Variants in GABRR1 observed in about 807,000 individuals in gnomAD.
The protein encoded by GABRR1 is gamma-aminobutyric acid receptor subunit rho-1.
In GABRR1, 59 loss-of-function variants were observed where a neutral mutation model predicts 55.5. The observed-to-expected ratio is 1.06, with a 90% CI of 0.86 to 1.32. GABRR1 has a LOEUF of 1.32. Among genes scored for constraint, GABRR1 ranks in the 40% most tolerant of loss-of-function variants. The pLI, the probability that GABRR1 is intolerant of heterozygous loss-of-function variation, is 0.00. For missense variants in GABRR1, 602 were observed against 619.1 expected (o/e 0.97, Z 0.29); for synonymous variants, 213 against 226.0 (o/e 0.94, Z 0.51).
chr6:89,179,519 C>T (rs9342183), intron 9 of GABRR1, among the ~76,000 whole-genome samples: 29,305 of 152,226 alleles, frequency 0.19, 3,060 homozygotes, highest in Admixed American at 0.27. Context: ...TGTGCCCAGC[C>T]TGGTATCCAT....
At chr6:89,185,563 ATG>A in intron 6 of GABRR1, 113 bp from the exon 7 acceptor site, 1 of 909,702 alleles carries the variant, frequency 1.1e-6, no homozygotes, top group Admixed American at 2.2e-5. Flanking sequence ...GGATTGTGAT[ATG>A]ATAGTTTGAA....
Position 89,178,348 on chromosome 6 carries a change from T to C in GABRR1, c.*422A>G, listed in dbSNP as rs1214630099. On this transcript the variant is annotated 3_prime_UTR_variant, in exon 10 of 10. Transcript: ENST00000454853. The stretch of plus-strand genomic sequence containing the variant: ...GTGAGGATTTAGGTGCATGTGAATT[T>C]CATGCAAATGGCCTGTAGGTGCTTC... 3 of 177,472 alleles carry C rather than the reference T, an allele frequency of 1.7e-5. No homozygotes were observed. The highest frequency in any genetic ancestry group is 3.6e-5 in the Non-Finnish European group (3 of 82,554). The allele number at this position is 177,472 out of a possible 1,614,324, so 11.0% of individuals were successfully genotyped here. A position where few individuals can be genotyped will look rare whatever the true frequency, so the allele number is the denominator to read the frequency against.
At chr6:89,220,700 A>G (rs144638696), upstream of GABRR1, among the ~76,000 whole-genome samples, 1,642 of 152,014 alleles carry the variant, frequency 0.011, 21 homozygotes, top group South Asian at 0.044. Flanking sequence ...CTGAACTATA[A>G]CACTTCCAGA....
In GABRR1 at chr6:89,224,860, G is replaced by A. The variant is rs576033213; in HGVS notation, c.-410-3414C>T. 5.9e-5 allele frequency among the ~76,000 whole-genome samples: 9 copies of A among 152,058 alleles called. No homozygotes were observed. In the East Asian group the frequency reaches 1.7e-3, roughly 29 times the overall value. On this transcript the variant is annotated intron_variant, in intron 1 of 11. Coordinates refer to the GABRR1 transcript ENST00000369451. ...TGCAGTGGCGTGATCTTGGCTTACT[G>A]CAACCTCCGCCTCCCAGGTTCAAGC... is the stretch of plus-strand genomic sequence containing the variant.
chr6:89,182,226 C>T (rs1771752328), intron 7 of GABRR1, among the ~76,000 whole-genome samples, 169 bp from the exon 8 acceptor site: 1 of 152,262 alleles, frequency 6.6e-6, no homozygotes, highest in East Asian at 1.9e-4. Context: ...GTAATACATA[C>T]CACCTGGGTG....
intron 1 of GABRR1, among the ~76,000 whole-genome samples, chr6:89,206,099 T>C (rs1368533153): frequency 6.6e-6 from 1 of 151,918 alleles, no homozygotes; most frequent in Non-Finnish European, 1.5e-5. Context: ...ACCCCTGCTG[T>C]CTCGCCCTCT....
intron 1 of GABRR1, among the ~76,000 whole-genome samples, chr6:89,210,288 G>T (rs1360769683): frequency 8.2e-5 from 12 of 146,186 alleles, no homozygotes; most frequent in African/African-American, 2.8e-4. Context: ...CGACCTCCCA[G>T]GCTCAAGTGA....
In GABRR1 at chr6:89,180,409, G is replaced by A. The variant is rs756314695; in HGVS notation, c.1029C>T (p.Ala343=). The A allele has an allele frequency of 8.7e-6, 14 of 1,613,804 alleles. No individual in the cohort carries two copies. Among genetic ancestry groups the A allele is most frequent in the South Asian group, 5.5e-5 (5 of 91,064 alleles). The change falls in exon 9 of 10, where the codon GCC becomes GCT. Residue 343 remains alanine (A), a synonymous_variant. Transcript: ENST00000454853. ...ASMPRVSYIK[A]VDIYLWVSFV... ...AGCTGACCCAGAGGTAGATGTCCAC[G>A]GCCTTGATGTAGGAGACGCGCGGCA...
intron 8 of GABRR1, 32 bp from the exon 9 acceptor site, chr6:89,180,520 G>GC: frequency 3.7e-6 from 6 of 1,606,598 alleles, no homozygotes; most frequent in Non-Finnish European, 5.1e-6. Flanking sequence ...ACAAGTGTTT[G>GC]CTTGTCTTTC....
At chr6:89,189,424 C>T (rs1037763846) in intron 6 of GABRR1, among the ~76,000 whole-genome samples, 2 of 140,264 alleles carry the variant, frequency 1.4e-5, no homozygotes, top group Admixed American at 7.5e-5. Context: ...AAAAACCAAA[C>T]ACCGCATATT....
upstream of GABRR1, among the ~76,000 whole-genome samples, chr6:89,220,486 A>G (rs1773098565): frequency 6.6e-6 from 1 of 152,124 alleles, no homozygotes; most frequent in Admixed American, 6.5e-5. Context: ...TGTCATGAGA[A>G]CTTAGAAAGT....
At chr6:89,201,398 C>G (rs1772467332) in intron 2 of GABRR1, 133 bp from the exon 3 acceptor site, 2 of 619,374 alleles carry the variant, frequency 3.2e-6, no homozygotes, top group Non-Finnish European at 5.9e-6. Flanking sequence ...TGGACATCCC[C>G]TCTTTCTTTC....
At chr6:89,209,244 G>A (rs1287533569) in intron 1 of GABRR1, among the ~76,000 whole-genome samples, 1 of 151,772 alleles carries the variant, frequency 6.6e-6, no homozygotes, top group East Asian at 1.9e-4. Flanking sequence ...CCTCCCACTT[G>A]AAGACACCGG....
intron 1 of GABRR1, among the ~76,000 whole-genome samples, chr6:89,206,591 C>T (rs1160407601): frequency 8.6e-5 from 13 of 151,892 alleles, no homozygotes; most frequent in Admixed American, 7.9e-4. Context: ...CTCACTTCAC[C>T]GTGGGATCAA....
chr6:89,222,485 G>A (rs282114), intron 1 of GABRR1, among the ~76,000 whole-genome samples: 32,916 of 152,156 alleles, frequency 0.22, 4,169 homozygotes, highest in Admixed American at 0.32. Context: ...CAGTCAGACC[G>A]TTAATATAAG....
At chr6:89,192,531 T>C (rs1772133142) in intron 5 of GABRR1, among the ~76,000 whole-genome samples, 1 of 151,836 alleles carries the variant, frequency 6.6e-6, no homozygotes, top group South Asian at 2.1e-4. Flanking sequence ...CCCGCTGTCA[T>C]TGACTCCTCT....
chr6:89,205,731 G>A (rs1006176978), intron 1 of GABRR1: 11 of 152,152 alleles, frequency 7.2e-5, no homozygotes, highest in Non-Finnish European at 8.8e-5. Flanking sequence ...ACTTCACCTT[G>A]CTGACTATTT....
intron 3 of GABRR1, among the ~76,000 whole-genome samples, chr6:89,200,702 CATT>C (rs1772442437): frequency 6.6e-6 from 1 of 152,100 alleles, no homozygotes; most frequent in Non-Finnish European, 1.5e-5. Flanking sequence ...TGCACTAAAT[CATT>C]ATTCTCTCAA....
At position 89,178,583 on chromosome 6, in the gene GABRR1, T is replaced by C. The variant is rs76624745; in HGVS notation, c.*187A>G. The C allele has an allele frequency of 3.2e-3, 1,926 of 603,404 alleles. 28 individuals carry two copies. In the African/African-American group the frequency reaches 0.033, roughly 10 times the overall value. 37.4% of individuals were successfully genotyped at this position (603,404 alleles called of 1,614,324 possible). A position where few individuals can be genotyped will look rare whatever the true frequency, so the allele number is the denominator to read the frequency against. On this transcript the variant is annotated 3_prime_UTR_variant, in exon 10 of 10. Transcript: ENST00000454853. ...ATAATGCTGTGTATTCAATAGATGG[T>C]TAATAAGTGCAAATTAAACCAGTAA... is the stretch of plus-strand genomic sequence containing the variant.
Sources: allele counts gnomAD v4.1 joint callset (sites outside exome capture counted in the v4.1 genomes callset), GRCh38; gene constraint gnomAD v4.1.1; transcripts MANE v1.5; gene names NCBI Gene and HGNC (gene_info 2026-07-23, HGNC 2026-07-21).